The following GLIS3 variants were observed in gnomAD, a reference collection of about 807,000 sequenced individuals.
The protein encoded by GLIS3 is GLIS family zinc finger 3.
A neutral mutation model predicts 78.6 loss-of-function variants in GLIS3; 53 were observed. That is an observed-to-expected ratio of 0.67 (90% CI 0.54 to 0.85). The LOEUF is 0.85. GLIS3 is among the 40% of genes least tolerant of loss of function. The pLI, the probability that GLIS3 is intolerant of heterozygous loss-of-function variation, is 0.00. For missense variants in GLIS3, 1,703 were observed against 1,231.1 expected (o/e 1.38, Z -5.74); for synonymous variants, 684 against 509.9 (o/e 1.34, Z -4.60).
At chr9:4,192,431 T>C (rs1329616294) in intron 2 of GLIS3, among the ~76,000 whole-genome samples, 1 of 152,244 alleles carries the variant, frequency 6.6e-6, no homozygotes, top group South Asian at 2.1e-4. Context: ...AACATCTTTA[T>C]ATGGGAAAAC....
intron 7 of GLIS3, among the ~76,000 whole-genome samples, chr9:3,896,176 A>T (rs1822816431): frequency 6.6e-6 from 1 of 152,182 alleles, no homozygotes; most frequent in Non-Finnish European, 1.5e-5. Flanking sequence ...TTTGCAGTGG[A>T]TGTTAATATG....
At chr9:4,456,641 T>C in the GLIS3 span, among the ~76,000 whole-genome samples, 2 of 152,204 alleles carry the variant, frequency 1.3e-5, no homozygotes, top group Non-Finnish European at 2.9e-5. Flanking sequence ...CCTTCCTCAC[T>C]AGGATTAATC....
chr9:4,167,310 T>C (rs1815948614), intron 2 of GLIS3, among the ~76,000 whole-genome samples: 1 of 152,184 alleles, frequency 6.6e-6, no homozygotes, highest in African/African-American at 2.4e-5. Flanking sequence ...GGTAACTGAG[T>C]GAAATTGCTA....
chr9:3,867,229 TTTG>T lies in GLIS3; in HGVS notation c.2298-11048_2298-11046del, dbSNP rs969081494. On this transcript the variant is annotated intron_variant, in intron 8 of 10. Transcript: ENST00000381971. ...GGGGAAGCCAGTTTAGCAATGTTGTTTTGTTGTTGTTGTTGCTGTTGTTATTTT... is the reference window on the plus strand; with the variant it reads ...GGGGAAGCCAGTTTAGCAATGTTGTTTTGTTGTTGTTGCTGTTGTTATTTT... 6.6e-5 allele frequency among the ~76,000 whole-genome samples: 10 copies of T among 152,320 alleles called. No homozygotes were observed. In the East Asian group the frequency reaches 7.7e-4, roughly 12 times the overall value.
At chr9:4,373,927 C>A in the GLIS3 span, among the ~76,000 whole-genome samples, 22 of 152,174 alleles carry the variant, frequency 1.4e-4, no homozygotes, top group Non-Finnish European at 2.6e-4. Context: ...CGGCCTCCCA[C>A]AGTGCTGGGA....
intron 4 of GLIS3, among the ~76,000 whole-genome samples, chr9:3,969,310 A>G (rs573895318): frequency 6.6e-6 from 1 of 152,322 alleles, no homozygotes; most frequent in East Asian, 1.9e-4. Flanking sequence ...TATAATTCAC[A>G]TTAGGTTAGA....
the GLIS3 span, among the ~76,000 whole-genome samples, chr9:4,398,659 G>C: frequency 4.6e-5 from 7 of 151,926 alleles, no homozygotes; most frequent in Non-Finnish European, 8.8e-5. Context: ...TCTCTGGACT[G>C]TGAAGTAGTT....
intron 4 of GLIS3, among the ~76,000 whole-genome samples, chr9:4,021,530 T>G (rs1822883847): frequency 1.3e-5 from 2 of 152,152 alleles, no homozygotes; most frequent in South Asian, 4.1e-4. Context: ...ACTTCAAGGC[T>G]TGGGTAAATT....
At chr9:4,370,417 G>A in the GLIS3 span, among the ~76,000 whole-genome samples, 1 of 151,816 alleles carries the variant, frequency 6.6e-6, no homozygotes, top group Non-Finnish European at 1.5e-5. Context: ...TGTTTCTTGG[G>A]TTCTCGTTAG....
intron 6 of GLIS3, among the ~76,000 whole-genome samples, chr9:3,908,592 C>T (rs1345686021): frequency 1.3e-5 from 2 of 152,004 alleles, no homozygotes; most frequent in Admixed American, 6.6e-5. Context: ...GTGAAATCAC[C>T]TATCAAGGTT....
chr9:4,064,654 T>C (rs1564003840), intron 4 of GLIS3, among the ~76,000 whole-genome samples: 1 of 152,050 alleles, frequency 6.6e-6, no homozygotes, highest in African/African-American at 2.4e-5. Context: ...AAATGCCTGG[T>C]GTTGTGGCGC....
intron 2 of GLIS3, among the ~76,000 whole-genome samples, chr9:4,317,629 CAT>C (rs2130539508): frequency 6.6e-6 from 1 of 152,288 alleles, no homozygotes; most frequent in Non-Finnish European, 1.5e-5. Flanking sequence ...TTTCATTAGT[CAT>C]AGATTCTAAA....
At chr9:3,991,977 A>AGTG (rs1306658385) in intron 4 of GLIS3, among the ~76,000 whole-genome samples, 2 of 152,162 alleles carry the variant, frequency 1.3e-5, no homozygotes, top group African/African-American at 2.4e-5. Context: ...GGCATGAGCC[A>AGTG]CCCTGCCCGG....
intron 8 of GLIS3, 24 bp downstream of exon 8, chr9:3,879,403 G>C (rs748382334): frequency 3.1e-6 from 5 of 1,612,158 alleles, no homozygotes; most frequent in African/African-American, 2.7e-5. Context: ...ACACCTATTA[G>C]GAGAGAGAGA....
intron 4 of GLIS3, among the ~76,000 whole-genome samples, chr9:4,116,028 G>A (rs941565837): frequency 8.5e-5 from 13 of 152,218 alleles, no homozygotes; most frequent in Middle Eastern, 3.4e-3. Flanking sequence ...GATATTTATC[G>A]TGCACTTCAG....
the GLIS3 span, among the ~76,000 whole-genome samples, chr9:4,366,790 C>T: frequency 2.0e-5 from 3 of 152,216 alleles, no homozygotes; most frequent in East Asian, 5.8e-4. Flanking sequence ...TTACCAACCA[C>T]CAACTGCCAT....
At chr9:3,976,137 G>A (rs946218348) in intron 4 of GLIS3, among the ~76,000 whole-genome samples, 3 of 152,062 alleles carry the variant, frequency 2.0e-5, no homozygotes, top group African/African-American at 7.2e-5. Flanking sequence ...GACAATTTGT[G>A]ACAAATGCAA....
chr9:4,258,525 A>G (rs994578962), intron 2 of GLIS3, among the ~76,000 whole-genome samples: 1 of 152,188 alleles, frequency 6.6e-6, no homozygotes, highest in African/African-American at 2.4e-5. Context: ...TGTAAATCTA[A>G]AATTATCCTG....
intron 2 of GLIS3, among the ~76,000 whole-genome samples, chr9:4,241,170 A>G (rs866506848): frequency 1.3e-5 from 2 of 152,178 alleles, no homozygotes; most frequent in South Asian, 4.1e-4. Context: ...GGTACATTCA[A>G]CTCCAGACTG....
Sources: allele counts gnomAD v4.1 joint callset (sites outside exome capture counted in the v4.1 genomes callset), GRCh38; gene constraint gnomAD v4.1.1; transcripts MANE v1.5; gene names NCBI Gene and HGNC (gene_info 2026-07-23, HGNC 2026-07-21).